ARFGAP2: variants seen among roughly 807,000 people sequenced by gnomAD.
The protein encoded by ARFGAP2 is ARF GTPase activating protein 2.
ARFGAP2 carries 45 observed loss-of-function variants against 71.9 expected under a neutral mutation model. That is an observed-to-expected ratio of 0.63 (90% CI 0.49 to 0.80). ARFGAP2 has a LOEUF of 0.80. Among genes scored for constraint, ARFGAP2 ranks in the 30% least tolerant of loss-of-function variants. ARFGAP2 has a pLI of 0.00. For missense variants in ARFGAP2, 633 were observed against 673.9 expected, an observed-to-expected ratio of 0.94 and a Z score of 0.67; for synonymous variants, 248 against 249.2, an observed-to-expected ratio of 1.00 and a Z score of 0.05.
intron 15 of ARFGAP2, 125 bp from the exon 16 acceptor site, chr11:47,165,627 C>T (rs980643724): frequency 3.0e-5 from 32 of 1,078,652 alleles, no homozygotes; most frequent in Non-Finnish European, 4.0e-5. Context: ...GGCTGGACAG[C>T]CCGGTGAGGC....
In ARFGAP2 at chr11:47,174,954, T is replaced by A. The variant is rs934586934; in HGVS notation, c.480+61A>T. The A allele has an allele frequency of 7.7e-6, 12 of 1,549,458 alleles. No homozygotes were observed. In the Admixed American group the frequency reaches 2.0e-4, roughly 26 times the overall value. On this transcript the variant is annotated intron_variant, in intron 5 of 15. Coordinates refer to ENST00000524782, the MANE Select transcript of ARFGAP2 (RefSeq NM_032389.6). ...TCTACAACCATGATCACAGAAGGCC[T>A]GGGCCTTGGTAAATTGCCTGTCAAG...
At chr11:47,175,761 C>A in intron 3 of ARFGAP2, 90 bp downstream of exon 3, 1 of 1,469,616 alleles carries the variant, frequency 6.8e-7, no homozygotes, top group Non-Finnish European at 9.5e-7. Flanking sequence ...ACCCTCTGAA[C>A]AGGGAAAACG....
Position 47,171,542 on chromosome 11 carries a change from A to T in ARFGAP2, c.825T>A (p.Arg275=). The T allele has an allele frequency of 6.2e-7, 1 of 1,614,182 alleles. No individual in the cohort carries two copies. Among genetic ancestry groups the T allele is most frequent in the Non-Finnish European group, 8.5e-7 (1 of 1,180,026 alleles). ...CAATCTGGAGCTCCTGGTAGGCCAG[A>T]CGCATGGAGGCGACCCTTAGGGGGA... ...QAEESMVASM[R]LAYQELQIDR... is the part of the protein sequence containing the mutation. The change falls in exon 10 of 16, where the codon CGT becomes CGA. Residue 275 remains arginine, a synonymous_variant. Coordinates refer to ENST00000524782, the MANE Select transcript of ARFGAP2 (RefSeq NM_032389.6).
At chr11:47,168,394 C>G (rs1472721162) in intron 10 of ARFGAP2, 143 bp from the exon 11 acceptor site, 11 of 1,045,398 alleles carry the variant, frequency 1.1e-5, no homozygotes, top group Non-Finnish European at 1.5e-5. Context: ...AGGGCTGGGC[C>G]AGACCCCAAC....
chr11:47,176,188 T>C (rs543963988), intron 2 of ARFGAP2: 1 of 590,940 alleles, frequency 1.7e-6, no homozygotes, highest in Non-Finnish European at 3.0e-6. Context: ...CCCTAATGGA[T>C]GGTCACAGTC....
intron 8 of ARFGAP2, 80 bp from the exon 9 acceptor site, chr11:47,171,880 C>G: frequency 6.4e-7 from 1 of 1,557,206 alleles, no homozygotes; most frequent in South Asian, 1.2e-5. Context: ...TGTAGCCACA[C>G]CCACAAGGAA....
chr11:47,169,321 A>T (rs866626747), intron 10 of ARFGAP2: 1 of 151,214 alleles, frequency 6.6e-6, no homozygotes, highest in Non-Finnish European at 1.5e-5. Flanking sequence ...CTCAGAGAGA[A>T]AAAAAAAAGC....
intron 7 of ARFGAP2, chr11:47,173,041 A>ATG (rs1952662811): frequency 2.8e-6 from 1 of 362,250 alleles, no homozygotes; most frequent in Non-Finnish European, 5.3e-6. Flanking sequence ...AGAAAGAACA[A>ATG]TGTCACCTCC....
chr11:47,172,511 G>A (rs758957284), intron 7 of ARFGAP2, among the ~76,000 whole-genome samples, 178 bp from the exon 8 acceptor site: 3 of 152,182 alleles, frequency 2.0e-5, no homozygotes, highest in Non-Finnish European at 4.4e-5. Context: ...ACGTGGCTGG[G>A]GTATTTACTG....
chr11:47,176,140 G>A (rs1273034107), intron 2 of ARFGAP2: 7 of 604,412 alleles, frequency 1.2e-5, no homozygotes, highest in East Asian at 8.4e-5. Context: ...CCGAAAGGAG[G>A]TCACATTCTC....
At chr11:47,176,738 GC>G in intron 1 of ARFGAP2, 43 bp downstream of exon 1, 1 of 1,612,902 alleles carries the variant, frequency 6.2e-7, no homozygotes, top group Non-Finnish European at 8.5e-7. Flanking sequence ...CCTCCCTCAG[GC>G]CCCAGCGGGA....
Position 47,165,354 on chromosome 11 carries a change from C to A in ARFGAP2, c.*128G>T. 1 of 1,283,146 alleles carries A rather than the reference C, an allele frequency of 7.8e-7. No homozygotes were observed. The highest frequency in any genetic ancestry group is 1.1e-6 in the Non-Finnish European group (1 of 935,466). The allele number at this position is 1,283,146 out of a possible 1,614,324, so 79.5% of individuals were successfully genotyped here. On this transcript the variant is annotated 3_prime_UTR_variant, in exon 16 of 16. Transcript: ENST00000524782. ...AGGAGTGAGCGCCTCAAAGGCCACC[C>A]CACACACACACCACACATACGAAGT...
chr11:47,176,354 C>T, intron 2 of ARFGAP2, 162 bp downstream of exon 2: 2 of 692,930 alleles, frequency 2.9e-6, no homozygotes, highest in South Asian at 3.6e-5. Flanking sequence ...GCCAAAGGGC[C>T]CACACAGGTG....
intron 1 of ARFGAP2, 33 bp downstream of exon 1, chr11:47,176,749 A>G (rs2135443977): frequency 6.2e-7 from 1 of 1,613,370 alleles, no homozygotes; most frequent in Non-Finnish European, 8.5e-7. Flanking sequence ...CCCCAGCGGG[A>G]CGAGAGACTC....
At chr11:47,172,629 G>A in intron 7 of ARFGAP2, 1 of 1,319,836 alleles carries the variant, frequency 7.6e-7, no homozygotes, top group Admixed American at 2.2e-5. Context: ...GAGGCAGGGA[G>A]CATATGGTGA....
At chr11:47,168,283 C>T (rs1952467504) in intron 10 of ARFGAP2, 32 bp from the exon 11 acceptor site, 2 of 1,612,952 alleles carry the variant, frequency 1.2e-6, no homozygotes, top group Non-Finnish European at 1.7e-6. Context: ...GGCATGAGAC[C>T]AAAGGATAGG....
In ARFGAP2 at chr11:47,169,645, G is replaced by A. The variant is rs1017827796; in HGVS notation, c.942-1394C>T. ...GGCCGAGGCAGCCGGATCACCTGAG[G>A]TCGGGAGTTCGAGACCAGCCTGACC... On this transcript the variant is annotated intron_variant, in intron 10 of 15. Transcript: ENST00000524782. 4 of 152,080 alleles carry A rather than the reference G, an allele frequency of 2.6e-5. No homozygotes were observed. In the South Asian group the frequency reaches 6.2e-4, roughly 24 times the overall value. 9.4% of individuals were successfully genotyped at this position (152,080 alleles called of 1,614,324 possible).
At chr11:47,170,084 G>C (rs1240542151) in intron 10 of ARFGAP2, among the ~76,000 whole-genome samples, 1 of 152,198 alleles carries the variant, frequency 6.6e-6, no homozygotes, top group Non-Finnish European at 1.5e-5. Context: ...CAGTACTGTG[G>C]GAGGCCGAGG....
At chr11:47,166,013 C>T (rs913807124) in intron 15 of ARFGAP2, among the ~76,000 whole-genome samples, 8 of 152,132 alleles carry the variant, frequency 5.3e-5, no homozygotes, top group Admixed American at 2.0e-4. Flanking sequence ...TACAGGTGCA[C>T]GCCATCATGC....
Sources: allele counts gnomAD v4.1 joint callset (sites outside exome capture counted in the v4.1 genomes callset), GRCh38; gene constraint gnomAD v4.1.1; transcripts MANE v1.5; gene names NCBI Gene and HGNC (gene_info 2026-07-23, HGNC 2026-07-21).